The following IL33 variants were observed in gnomAD, a reference collection of about 807,000 sequenced individuals.
IL33 encodes the protein interleukin-33.
IL33 carries 37 observed loss-of-function variants against 27.3 expected under a neutral mutation model. The observed-to-expected ratio is 1.36, with a 90% confidence interval of 1.04 to 1.78. The LOEUF is 1.78. Ranked by LOEUF, IL33 falls within the 40% of genes most tolerant of loss-of-function variation. IL33 has a pLI of 0.00. For synonymous variants in IL33, 132 were observed against 102.9 expected, an observed-to-expected ratio of 1.28 and a Z score of -1.71; for missense variants, 406 against 311.4, an observed-to-expected ratio of 1.30 and a Z score of -2.29.
At position 6,226,310 on chromosome 9, in the gene IL33, C is replaced by G. The variant is rs140213790; in HGVS notation, c.-12+10458C>G. 5.9e-5 allele frequency among the ~76,000 whole-genome samples: 9 copies of G among 152,250 alleles called. No individual in the cohort carries two copies. In the East Asian group the frequency reaches 1.2e-3, roughly 20 times the overall value. The stretch of plus-strand genomic sequence containing the variant: ...GACTATAAGGCTTGAGCCACCACCC[C>G]CAGCCCTTTCTTTCTTTCTATCTGC... On this transcript the variant is annotated intron_variant, in intron 1 of 7. Coordinates refer to ENST00000682010, the MANE Select transcript of IL33 (RefSeq NM_033439.4).
At chr9:6,227,173 T>C (rs1028672144) in intron 1 of IL33, among the ~76,000 whole-genome samples, 2 of 152,234 alleles carry the variant, frequency 1.3e-5, no homozygotes, top group African/African-American at 4.8e-5. Context: ...TTTATCTTGA[T>C]CACCCTTCTA....
intron 1 of IL33, among the ~76,000 whole-genome samples, chr9:6,227,662 G>A (rs555248274): frequency 6.6e-6 from 1 of 152,206 alleles, no homozygotes; most frequent in African/African-American, 2.4e-5. Context: ...TAAGTGTAAT[G>A]CTTTCTCCTT....
intron 1 of IL33, among the ~76,000 whole-genome samples, chr9:6,221,730 C>G (rs745634514): frequency 6.6e-6 from 1 of 152,094 alleles, no homozygotes; most frequent in Non-Finnish European, 1.5e-5. Context: ...TCTAGAATGG[C>G]AGTTCGCTGT....
At chr9:6,253,719 C>A in intron 6 of IL33, 117 bp downstream of exon 6, 2 of 672,148 alleles carry the variant, frequency 3.0e-6, no homozygotes, top group South Asian at 2.2e-5. Context: ...AGGTTATCTC[C>A]AACCCAAGCT....
intron 1 of IL33, among the ~76,000 whole-genome samples, chr9:6,240,044 ATT>A (rs1364589610): frequency 6.6e-6 from 1 of 152,140 alleles, no homozygotes; most frequent in Non-Finnish European, 1.5e-5. Flanking sequence ...GTATCTACTT[ATT>A]TGCTCTATAC....
intron 1 of IL33, among the ~76,000 whole-genome samples, chr9:6,219,455 C>T (rs1218949396): frequency 6.6e-6 from 1 of 152,104 alleles, no homozygotes; most frequent in African/African-American, 2.4e-5. Flanking sequence ...CGGTAGATTA[C>T]AGTATACCTA....
At chr9:6,254,167 A>G (rs1355742794) in intron 6 of IL33, among the ~76,000 whole-genome samples, 1 of 152,192 alleles carries the variant, frequency 6.6e-6, no homozygotes, top group Non-Finnish European at 1.5e-5. Flanking sequence ...ATTGGGTGAC[A>G]CTATGAGTGG....
Position 6,253,590 on chromosome 9 carries a change from T to C in IL33, c.508T>C (p.Ser170Pro), listed in dbSNP as rs1334355820. ...LLSYYESQHPSNESGDGVDGK... is the reference protein window; with the variant it reads ...LLSYYESQHPPNESGDGVDGK... Reference sequence around the variant, plus strand: ...GAGTTACTATGAGTCTCAACACCCCTCAAATGAATCAGGTAATTTGGAGGG... The same window carrying C: ...GAGTTACTATGAGTCTCAACACCCCCCAAATGAATCAGGTAATTTGGAGGG... Residue 170 changes from serine to proline, a missense_variant, in exon 6 of 8, where the codon TCA becomes CCA. Ser to Pro is a moderately conservative substitution (Grantham distance 74, BLOSUM62 -1). Coordinates refer to ENST00000682010, the MANE Select transcript of IL33 (RefSeq NM_033439.4). 3 of 1,607,988 alleles carry C rather than the reference T, an allele frequency of 1.9e-6. No homozygotes were observed. The African/African-American group carries it at 4.0e-5, about 22-fold the overall frequency.
chr9:6,256,531 G>C lies in IL33; in HGVS notation c.*363G>C, dbSNP rs1816742586. 8.1e-6 allele frequency: 3 copies of C among 369,230 alleles called. No homozygotes were observed. The highest frequency in any genetic ancestry group is 1.5e-5 in the Non-Finnish European group (3 of 206,364). 22.9% of individuals were successfully genotyped at this position (369,230 alleles called of 1,614,324 possible). A position where few individuals can be genotyped will look rare whatever the true frequency, so the allele number is the denominator to read the frequency against. ...AAAGAGCCATAGCTTAAGTCTCTAT[G>C]TAGACAGGGATCCATTTTAAAGAGC... On this transcript the variant is annotated 3_prime_UTR_variant, in exon 8 of 8. Coordinates refer to ENST00000682010, the MANE Select transcript of IL33 (RefSeq NM_033439.4).
intron 1 of IL33, among the ~76,000 whole-genome samples, chr9:6,224,730 T>A (rs1818555946): frequency 6.6e-6 from 1 of 152,228 alleles, no homozygotes; most frequent in African/African-American, 2.4e-5. Context: ...TGCACATACA[T>A]GCAATAGTAT....
At chr9:6,232,288 T>C (rs1304088823) in intron 1 of IL33, among the ~76,000 whole-genome samples, 1 of 152,234 alleles carries the variant, frequency 6.6e-6, no homozygotes, top group Non-Finnish European at 1.5e-5. Flanking sequence ...GGAAGATTTC[T>C]TCAGCCAAAG....
rs755277863 is a variant in IL33, at chr9:6,247,616, C to A, written c.92-2858C>A. Among the ~76,000 whole-genome samples, 45 of 152,058 alleles carry A rather than the reference C, an allele frequency of 3.0e-4. 1 individual carries two copies. The highest frequency in any genetic ancestry group is 1.5e-5 in the Non-Finnish European group (1 of 68,018). ...ATTCATACTAAGCCATTGCCCTCAG[C>A]GAGCAGGCAGGATAGAGACATGGAA... On this transcript the variant is annotated intron_variant, in intron 2 of 7. Transcript: ENST00000682010.
At chr9:6,222,472 G>A (rs199769021) in intron 1 of IL33, among the ~76,000 whole-genome samples, 9 of 152,152 alleles carry the variant, frequency 5.9e-5, no homozygotes, top group Non-Finnish European at 7.3e-5. Context: ...TGAATGGTGT[G>A]GCAGTGAAAG....
At chr9:6,244,435 A>G (rs929739231) in intron 2 of IL33, among the ~76,000 whole-genome samples, 6 of 152,174 alleles carry the variant, frequency 3.9e-5, no homozygotes, top group African/African-American at 9.7e-5. Context: ...GTTTTTTCCT[A>G]CAGATACATA....
intron 2 of IL33, among the ~76,000 whole-genome samples, chr9:6,249,804 T>A (rs1816226506): frequency 1.3e-5 from 2 of 152,230 alleles, no homozygotes; most frequent in Admixed American, 1.3e-4. Flanking sequence ...ATGCCCATCT[T>A]GCAAGATTAT....
rs776135616 is a variant in IL33, at chr9:6,253,616, C to T, written c.520+14C>T. 6.3e-6 allele frequency: 10 copies of T among 1,598,048 alleles called. No homozygotes were observed. The East Asian group carries it at 2.0e-4, about 32-fold the overall frequency. On this transcript the variant is annotated intron_variant, in intron 6 of 7. Transcript: ENST00000682010. ...CAAATGAATCAGGTAATTTGGAGGG[C>T]TGGGTAGCTGTAGTGCTTGAATTCT...
At chr9:6,224,372 T>G (rs1222982127) in intron 1 of IL33, among the ~76,000 whole-genome samples, 2 of 152,196 alleles carry the variant, frequency 1.3e-5, no homozygotes, top group African/African-American at 2.4e-5. Context: ...AGGAACTAAT[T>G]TAAAGATATA....
At chr9:6,245,033 C>T (rs1459277592) in intron 2 of IL33, among the ~76,000 whole-genome samples, 1 of 152,192 alleles carries the variant, frequency 6.6e-6, no homozygotes, top group African/African-American at 2.4e-5. Context: ...TTCCCCGTTT[C>T]CAGGAAGCTA....
At chr9:6,217,194 C>T (rs1297337565) in intron 1 of IL33, among the ~76,000 whole-genome samples, 1 of 152,030 alleles carries the variant, frequency 6.6e-6, no homozygotes, top group East Asian at 1.9e-4. Context: ...GAACAGACAT[C>T]TCTGAAGGTC....
Sources: gnomAD v4.1 joint callset for allele counts (sites outside exome capture counted in the v4.1 genomes callset) on GRCh38, gnomAD v4.1.1 for gene constraint, MANE v1.5 for transcripts, NCBI Gene and HGNC (gene_info 2026-07-23, HGNC 2026-07-21) for gene names.